The following PRIM2 variants were observed in gnomAD, a reference collection of about 807,000 sequenced individuals.
PRIM2 encodes the protein DNA primase large subunit.
A neutral mutation model predicts 67.3 loss-of-function variants in PRIM2; 39 were observed. The ratio of observed to expected loss-of-function variants is 0.58; its 90% CI spans 0.45 to 0.76. The LOEUF is 0.76. Ranked by LOEUF, PRIM2 falls within the 30% of genes least tolerant of loss-of-function variation. The probability of loss-of-function intolerance (pLI) is 0.00; values close to 1 mark genes in which losing one functional copy is unlikely to be tolerated. For missense variants in PRIM2, 398 were observed against 598.7 expected (o/e 0.66, Z 3.50); for synonymous variants, 143 against 198.7 (o/e 0.72, Z 2.36).
chr6:57,498,128 A>G (rs1457161597), intron 7 of PRIM2, among the ~76,000 whole-genome samples: 1 of 152,148 alleles, frequency 6.6e-6, no homozygotes, highest in African/African-American at 2.4e-5. Context: ...TTCTCTTTAA[A>G]GCTATATCTT....
chr6:57,317,001 G>T (rs1581783223), upstream of PRIM2, among the ~76,000 whole-genome samples: 1 of 152,252 alleles, frequency 6.6e-6, no homozygotes, highest in African/African-American at 2.4e-5. Flanking sequence ...GGAGCGAATT[G>T]AACGTGGAAC....
intron 12 of PRIM2, among the ~76,000 whole-genome samples, chr6:57,622,943 A>G (rs1415032781): frequency 6.6e-6 from 1 of 152,206 alleles, no homozygotes; most frequent in Admixed American, 6.5e-5. Context: ...TGTTTACTTA[A>G]TGTTCCTAAA....
chr6:57,225,091 T>G, the PRIM2 span, among the ~76,000 whole-genome samples: 1 of 152,174 alleles, frequency 6.6e-6, no homozygotes, highest in Non-Finnish European at 1.5e-5. Flanking sequence ...TCCCACCCCT[T>G]TTTCCTTTGT....
intron 8 of PRIM2, among the ~76,000 whole-genome samples, chr6:57,512,411 A>G (rs1210994103): frequency 1.3e-5 from 2 of 152,132 alleles, no homozygotes; most frequent in African/African-American, 2.4e-5. Context: ...TAGGAGGGGT[A>G]GAAGGGGATA....
Position 57,422,158 on chromosome 6 carries a change from C to CTTTTTTTT in PRIM2, c.693+39997_693+40004dup, listed in dbSNP as rs575958629. ...AAATTCAAAAGTATTTCTTTTCTTT[C>CTTTTTTTT]TTTTTTTTTTTTTTGAGATGGAGTC... On this transcript the variant is annotated intron_variant, in intron 7 of 13. Transcript: ENST00000615550. Among the ~76,000 whole-genome samples, 9 of 103,326 alleles carry CTTTTTTTT rather than the reference C, an allele frequency of 8.7e-5. 1 individual carries two copies. The highest frequency in any genetic ancestry group is 7.5e-4 in the South Asian group (2 of 2,676). The allele number at this position is 103,326 out of a possible 152,430, so 67.8% of individuals were successfully genotyped here.
At chr6:57,538,160 G>T (rs1775039482) in intron 10 of PRIM2, among the ~76,000 whole-genome samples, 1 of 151,838 alleles carries the variant, frequency 6.6e-6, no homozygotes, top group African/African-American at 2.4e-5. Context: ...GGCCACAGGT[G>T]GACACCATTA....
chr6:57,333,348 T>C (rs552907251), intron 5 of PRIM2, among the ~76,000 whole-genome samples: 1 of 152,322 alleles, frequency 6.6e-6, no homozygotes, highest in African/African-American at 2.4e-5. Flanking sequence ...TTTGGAGATA[T>C]TGCTTGCTGA....
At chr6:57,422,175 G>C (rs1219605548) in intron 7 of PRIM2, among the ~76,000 whole-genome samples, 1 of 20,510 alleles carries the variant, frequency 4.9e-5, no homozygotes, top group East Asian at 1.0e-3. Flanking sequence ...TTTTTTTTGA[G>C]ATGGAGTCTC....
intron 10 of PRIM2, among the ~76,000 whole-genome samples, chr6:57,539,784 A>G (rs1439795147): frequency 0.038 from 5,762 of 152,096 alleles, 137 homozygotes; most frequent in Non-Finnish European, 0.057. Context: ...GCCTGAGGTC[A>G]GGAGTTCAAG....
chr6:57,529,326 C>A (rs1228271880), intron 8 of PRIM2, among the ~76,000 whole-genome samples: 4,294 of 150,554 alleles, frequency 0.029, 126 homozygotes, highest in African/African-American at 0.067. Context: ...AAAAAAAAAA[C>A]AAAAAACCAA....
chr6:57,583,404 C>T lies in PRIM2; in HGVS notation c.1021-17689C>T, dbSNP rs1221004258. Among the ~76,000 whole-genome samples the T allele has an allele frequency of 2.7e-5, 4 of 147,166 alleles. No homozygotes were observed. The South Asian group carries it at 8.8e-4, about 32-fold the overall frequency. On this transcript the variant is annotated intron_variant, in intron 10 of 13. Coordinates refer to ENST00000615550, the MANE Select transcript of PRIM2 (RefSeq NM_000947.5). Reference sequence around the variant, plus strand: ...CCATGTGTTCTCATTATTCAGTTCCCACCTATGAGTGAGAATATGCGGTTT... The same window carrying T: ...CCATGTGTTCTCATTATTCAGTTCCTACCTATGAGTGAGAATATGCGGTTT...
the PRIM2 span, among the ~76,000 whole-genome samples, chr6:57,257,628 A>G: frequency 6.6e-6 from 1 of 152,192 alleles, no homozygotes; most frequent in African/African-American, 2.4e-5. Flanking sequence ...TAAACTACTC[A>G]TGGTAACCTG....
intron 4 of PRIM2, 142 bp from the exon 5 acceptor site, chr6:57,325,783 T>A: frequency 2.7e-6 from 2 of 745,860 alleles, no homozygotes; most frequent in Non-Finnish European, 4.3e-6. Flanking sequence ...ATATTCTCCT[T>A]ACCGTGATAG....
intron 7 of PRIM2, among the ~76,000 whole-genome samples, chr6:57,406,062 G>C (rs1180581712): frequency 6.6e-6 from 1 of 152,314 alleles, no homozygotes; most frequent in Admixed American, 6.5e-5. Flanking sequence ...TGATGGACTT[G>C]TCTGGGGATT....
chr6:57,403,351 G>A (rs1770776749), intron 7 of PRIM2, among the ~76,000 whole-genome samples: 2 of 151,072 alleles, frequency 1.3e-5, no homozygotes, highest in South Asian at 4.2e-4. Context: ...CTGCCTCCCG[G>A]GTTCACACCA....
the PRIM2 span, among the ~76,000 whole-genome samples, chr6:57,245,760 G>A: frequency 1.3e-5 from 2 of 152,222 alleles, no homozygotes; most frequent in Non-Finnish European, 2.9e-5. Flanking sequence ...GCCTGCAGAT[G>A]TAAAGGTTCT....
chr6:57,330,107 G>T (rs1227557623), intron 5 of PRIM2, among the ~76,000 whole-genome samples: 1 of 152,050 alleles, frequency 6.6e-6, no homozygotes, highest in Admixed American at 6.5e-5. Flanking sequence ...GTATTCTTTT[G>T]TAATGATATT....
chr6:57,422,805 A>G (rs555797937), intron 7 of PRIM2, among the ~76,000 whole-genome samples: 158 of 152,210 alleles, frequency 1.0e-3, no homozygotes, highest in African/African-American at 3.6e-3. Context: ...TTACATTATG[A>G]CCTTTCAGAA....
intron 5 of PRIM2, among the ~76,000 whole-genome samples, chr6:57,350,698 G>A (rs1768831635): frequency 6.6e-6 from 1 of 152,096 alleles, no homozygotes; most frequent in African/African-American, 2.4e-5. Context: ...TAGTGTAATA[G>A]TACTTCAGTG....
Sources: allele counts gnomAD v4.1 joint callset (sites outside exome capture counted in the v4.1 genomes callset), GRCh38; gene constraint gnomAD v4.1.1; transcripts MANE v1.5; gene names NCBI Gene and HGNC (gene_info 2026-07-23, HGNC 2026-07-21).